KRIT1: variants seen among roughly 807,000 people sequenced by gnomAD.
KRIT1 encodes the protein KRIT1 ankyrin repeat containing.
KRIT1 carries 45 observed loss-of-function variants against 95.8 expected under a neutral mutation model. The ratio of observed to expected loss-of-function variants is 0.47; its 90% confidence interval spans 0.37 to 0.60. The LOEUF (loss-of-function observed/expected upper bound fraction) is 0.60. Among genes scored for constraint, KRIT1 ranks in the 20% least tolerant of loss-of-function variants. KRIT1 has a pLI of 0.00. For missense variants in KRIT1, 788 were observed against 877.5 expected (o/e 0.90, Z 1.29); for synonymous variants, 282 against 278.8 (o/e 1.01, Z -0.11).
In KRIT1 at chr7:92,239,238, C is replaced by A. The variant is rs1452146553; in HGVS notation, c.263-1479G>T. Among the ~76,000 whole-genome samples, 3 of 152,152 alleles carry A rather than the reference C, an allele frequency of 2.0e-5. No individual in the cohort carries two copies. In the East Asian group the frequency reaches 5.8e-4, roughly 29 times the overall value. The stretch of plus-strand genomic sequence containing the variant: ...ACTCCTCCTAAGGGAAAGTACCCAG[C>A]CTTCTGGACCAGGGGAAGTTTTTTG... On this transcript the variant is annotated intron_variant, in intron 5 of 18. Coordinates refer to ENST00000394505, the MANE Select transcript of KRIT1 (RefSeq NM_194454.3).
At chr7:92,213,471 T>C (rs1445868074) in intron 16 of KRIT1, 70 bp from the exon 17 acceptor site, 5 of 984,806 alleles carry the variant, frequency 5.1e-6, no homozygotes, top group African/African-American at 4.8e-5. Context: ...ATAATCCAAA[T>C]AGATCAACTA....
At chr7:92,201,937 C>A (rs1045463640) in intron 17 of KRIT1, among the ~76,000 whole-genome samples, 1 of 152,126 alleles carries the variant, frequency 6.6e-6, no homozygotes, top group Non-Finnish European at 1.5e-5. Context: ...GTGCTGTGAG[C>A]AATATTTGTC....
At chr7:92,230,117 A>G (rs1157441620) in intron 10 of KRIT1, among the ~76,000 whole-genome samples, 1 of 152,178 alleles carries the variant, frequency 6.6e-6, no homozygotes, top group Non-Finnish European at 1.5e-5. Flanking sequence ...TGGTGCTTTA[A>G]AATTTCCCAG....
rs777856991 is a variant in KRIT1 at position 92,234,462 on chromosome 7, G to A, written c.976C>T (p.His326Tyr). The change falls in exon 10 of 19, where the codon CAT becomes TAT. Residue 326 changes from histidine to tyrosine, a missense_variant. Transcript: ENST00000394505. ...TATTCCATTTACCAGCATGCATAAT[G>A]AATGGGTGCCCAGTGGTCACTATCT... The part of the protein sequence containing the change: ...QLDSDHWAPI[H>Y]YACWYGKVEA... The A allele has an allele frequency of 1.3e-5, 21 of 1,605,002 alleles. No individual in the cohort carries two copies. Among genetic ancestry groups the A allele is most frequent in the Non-Finnish European group, 1.8e-5 (21 of 1,171,690 alleles).
rs756158170 is a variant in KRIT1 at position 92,214,653 on chromosome 7, T to C, written c.1688A>G (p.Tyr563Cys). 38 of 1,612,890 alleles carry C rather than the reference T, an allele frequency of 2.4e-5. No homozygotes were observed. Among genetic ancestry groups the C allele is most frequent in the South Asian group, 1.1e-4 (10 of 91,060 alleles). ...TLASLLLQIV[Y>C]GNYESKKHKQ... ...GTGTTTTTTACTCTCATAATTTCCA[T>C]AGACTATTTGCAAAAGCAGACTTGC... The change falls in exon 15 of 19, where the codon TAT (tyrosine) becomes TGT (cysteine). Residue 563 changes from tyrosine (Y) to cysteine (C), a missense_variant. This residue lies in a region of KRIT1 where 493 missense variants were observed against 582.3 expected (regional missense o/e 0.85). Coordinates refer to ENST00000394505, the MANE Select transcript of KRIT1 (RefSeq NM_194454.3).
At chr7:92,207,390 T>C (rs1463593545) in intron 17 of KRIT1, among the ~76,000 whole-genome samples, 1 of 152,008 alleles carries the variant, frequency 6.6e-6, no homozygotes, top group Non-Finnish European at 1.5e-5. Flanking sequence ...AAAAAAGCTT[T>C]ATATTAGGTT....
intron 5 of KRIT1, among the ~76,000 whole-genome samples, chr7:92,240,633 T>C (rs777924385): frequency 2.0e-5 from 3 of 152,180 alleles, no homozygotes; most frequent in Admixed American, 1.3e-4. Context: ...TACTTGGTAA[T>C]TTACAGGACT....
At chr7:92,222,548 C>G (rs987242347) in intron 13 of KRIT1, among the ~76,000 whole-genome samples, 1 of 152,100 alleles carries the variant, frequency 6.6e-6, no homozygotes, top group African/African-American at 2.4e-5. Flanking sequence ...TGCATTAGCA[C>G]AACATTTAAT....
At chr7:92,233,337 G>A (rs966451793) in intron 10 of KRIT1, among the ~76,000 whole-genome samples, 1 of 151,586 alleles carries the variant, frequency 6.6e-6, no homozygotes, top group Non-Finnish European at 1.5e-5. Flanking sequence ...GAGAGGTAAA[G>A]TGAATTACCT....
At position 92,200,815 on chromosome 7, in the gene KRIT1, A is replaced by C; in HGVS notation, c.2143-11T>G. On this transcript the variant is annotated splice_polypyrimidine_tract_variant and intron_variant, in intron 18 of 18. Coordinates refer to ENST00000394505, the MANE Select transcript of KRIT1 (RefSeq NM_194454.3). ...TACCACGAGACCAGCCTACAAAGTA[A>C]AACATGTCAATAATAAATATAAAAC... The C allele has an allele frequency of 6.4e-7, 1 of 1,559,854 alleles. No homozygotes were observed. The highest frequency in any genetic ancestry group is 8.8e-7 in the Non-Finnish European group (1 of 1,131,188).
chr7:92,231,413 C>T (rs905347895), intron 10 of KRIT1, among the ~76,000 whole-genome samples: 1 of 152,084 alleles, frequency 6.6e-6, no homozygotes, highest in African/African-American at 2.4e-5. Flanking sequence ...ATTTAATCCA[C>T]ATAAACAAAA....
chr7:92,209,171 G>A (rs1223843861), intron 17 of KRIT1, among the ~76,000 whole-genome samples: 1 of 151,690 alleles, frequency 6.6e-6, no homozygotes, highest in African/African-American at 2.4e-5. Context: ...ACCTCTCAGC[G>A]AATTCACATA....
chr7:92,228,013 A>G (rs1056077051), intron 10 of KRIT1, among the ~76,000 whole-genome samples: 3 of 151,896 alleles, frequency 2.0e-5, no homozygotes, highest in African/African-American at 7.2e-5. Flanking sequence ...ACTCCGTCTC[A>G]GTGGGGGTTG....
chr7:92,202,568 C>A (rs1790439834), intron 17 of KRIT1, among the ~76,000 whole-genome samples: 1 of 152,060 alleles, frequency 6.6e-6, no homozygotes, highest in Admixed American at 6.6e-5. Context: ...AATACCAATT[C>A]TTATAATATT....
At chr7:92,216,094 T>C (rs1315812811) in intron 14 of KRIT1, among the ~76,000 whole-genome samples, 2 of 151,692 alleles carry the variant, frequency 1.3e-5, no homozygotes, top group Non-Finnish European at 2.9e-5. Flanking sequence ...CTAGGCATGG[T>C]GGCAGGCGCC....
chr7:92,239,707 CTT>C (rs35969231), intron 5 of KRIT1, among the ~76,000 whole-genome samples: 156 of 132,576 alleles, frequency 1.2e-3, no homozygotes, highest in African/African-American at 4.0e-3. Context: ...TATGCAGGAA[CTT>C]TTTTTTTTTT....
At chr7:92,239,459 A>C (rs1799125355) in intron 5 of KRIT1, among the ~76,000 whole-genome samples, 1 of 152,232 alleles carries the variant, frequency 6.6e-6, no homozygotes, top group African/African-American at 2.4e-5. Context: ...ATCTGGCATT[A>C]GTAAAATAAG....
At chr7:92,235,318 A>G in intron 8 of KRIT1, 85 bp downstream of exon 8, 2 of 1,324,496 alleles carry the variant, frequency 1.5e-6, no homozygotes. Flanking sequence ...TATAATTAGT[A>G]ATAGATGTAT....
intron 4 of KRIT1, among the ~76,000 whole-genome samples, chr7:92,241,781 C>T (rs1747109643): frequency 1.3e-5 from 2 of 152,084 alleles, no homozygotes; most frequent in South Asian, 4.1e-4. Context: ...ATTTCACAAA[C>T]TGTAAGAAAA....
Sources: gnomAD v4.1 joint callset for allele counts (sites outside exome capture counted in the v4.1 genomes callset) on GRCh38, gnomAD v4.1.1 for gene constraint, gnomAD v4.1.1 regional missense constraint, MANE v1.5 for transcripts, NCBI Gene and HGNC (gene_info 2026-07-23, HGNC 2026-07-21) for gene names.